TAOK1: variants seen among roughly 807,000 people sequenced by gnomAD.
TAOK1 encodes the protein serine/threonine-protein kinase TAO1.
In TAOK1, 21 loss-of-function variants were observed where a neutral mutation model predicts 138.3. The observed-to-expected ratio is 0.15, with a 90% CI of 0.11 to 0.22. TAOK1 has a LOEUF of 0.22. TAOK1 is among the 10% of genes least tolerant of loss of function. The pLI is 1.00. For missense variants in TAOK1, 651 were observed against 1,227.7 expected (o/e 0.53, Z 7.02); for synonymous variants, 361 against 398.4 (o/e 0.91, Z 1.12).
intron 19 of TAOK1, 118 bp from the exon 20 acceptor site, chr17:29,542,443 T>A (rs2032333195): frequency 7.3e-6 from 6 of 824,246 alleles, no homozygotes; most frequent in Non-Finnish European, 8.7e-6. Flanking sequence ...AATTTGAAAC[T>A]CATGGACAAA....
chr17:29,465,128 ATTT>A (rs57794003), intron 2 of TAOK1, among the ~76,000 whole-genome samples: 2 of 63,100 alleles, frequency 3.2e-5, no homozygotes, highest in Admixed American at 2.1e-4. Flanking sequence ...GTCTTATTTA[ATTT>A]TTTTTTTTTT....
intron 8 of TAOK1, among the ~76,000 whole-genome samples, chr17:29,484,414 A>G (rs1450381455): frequency 6.6e-6 from 1 of 152,224 alleles, no homozygotes; most frequent in African/African-American, 2.4e-5. Context: ...GGTCTAAAGT[A>G]GCACAGGCCA....
At chr17:29,451,315 A>T in intron 1 of TAOK1, 140 bp from the exon 2 acceptor site, 1 of 314,758 alleles carries the variant, frequency 3.2e-6, no homozygotes, top group Non-Finnish European at 5.8e-6. Flanking sequence ...CAGGTTTAGG[A>T]GCTACTGCAG....
chr17:29,508,067 C>T lies in TAOK1; in HGVS notation c.1510C>T (p.Arg504Cys), dbSNP rs1426764318. Residue 504 changes from arginine (R) to cysteine (C), a missense_variant, in exon 14 of 20, where the codon CGT becomes TGT. Around this residue, in one of 8 missense-constraint regions of TAOK1, gnomAD observed 258 missense variants for 548.9 expected, o/e 0.47. Coordinates refer to ENST00000261716, the MANE Select transcript of TAOK1 (RefSeq NM_020791.4). The part of the protein sequence containing the change: ...LRLDKDLETQ[R>C]NNFAAEMEKL... ...ATTAGACAAAGATCTTGAAACTCAG[C>T]GTAACAATTTTGCTGCAGAAATGGA... is the stretch of plus-strand genomic sequence containing the variant. 4.3e-6 allele frequency: 7 copies of T among 1,614,032 alleles called. No individual in the cohort carries two copies. The highest frequency in any genetic ancestry group is 5.1e-6 in the Non-Finnish European group (6 of 1,179,960).
intron 19 of TAOK1, among the ~76,000 whole-genome samples, chr17:29,537,127 T>TA (rs1362645569): frequency 6.6e-6 from 1 of 152,234 alleles, no homozygotes; most frequent in Non-Finnish European, 1.5e-5. Flanking sequence ...TTGGCACTAT[T>TA]AAAGTATGGT....
At chr17:29,408,084 A>G (rs1055193391) in intron 1 of TAOK1, among the ~76,000 whole-genome samples, 2 of 151,924 alleles carry the variant, frequency 1.3e-5, no homozygotes, top group Admixed American at 6.6e-5. Flanking sequence ...GGATACAGAA[A>G]TGAGTCAGAC....
chr17:29,471,335 A>G (rs554671590), intron 3 of TAOK1, among the ~76,000 whole-genome samples: 158 of 117,340 alleles, frequency 1.3e-3, no homozygotes, highest in African/African-American at 4.5e-3. Flanking sequence ...GCTGGAGTGC[A>G]GTGGCGCAAT....
At chr17:29,402,020 T>A (rs995431715) in intron 1 of TAOK1, among the ~76,000 whole-genome samples, 3 of 152,194 alleles carry the variant, frequency 2.0e-5, no homozygotes, top group Admixed American at 2.0e-4. Context: ...TGTTTTAGTT[T>A]GCTTTTTCCT....
chr17:29,519,717 T>C (rs899863659), intron 16 of TAOK1, among the ~76,000 whole-genome samples: 3 of 152,090 alleles, frequency 2.0e-5, no homozygotes, highest in Non-Finnish European at 2.9e-5. Context: ...ATCCTAGTAA[T>C]AGCATGTGTT....
intron 1 of TAOK1, among the ~76,000 whole-genome samples, chr17:29,428,205 C>T (rs1242972068): frequency 6.6e-6 from 1 of 152,114 alleles, no homozygotes; most frequent in Non-Finnish European, 1.5e-5. Context: ...AAAAGGAAAT[C>T]TAAGACCATT....
rs1160829189 is a variant in TAOK1, at chr17:29,526,253, C to G, written c.2148+3734C>G. On this transcript the variant is annotated intron_variant, in intron 17 of 19. Coordinates refer to ENST00000261716, the MANE Select transcript of TAOK1 (RefSeq NM_020791.4). ...TGAGCCAAGATCGCGCCATTCCACT[C>G]CAGCCTGGGCAACAAGGGCAAAACT... is the stretch of plus-strand genomic sequence containing the variant. 2.0e-5 allele frequency among the ~76,000 whole-genome samples: 3 copies of G among 152,004 alleles called. No individual in the cohort carries two copies. In the East Asian group the frequency reaches 5.8e-4, roughly 29 times the overall value.
chr17:29,533,833 G>GGAGAGGGAGACCGTGGGA (rs2032174970), intron 18 of TAOK1, among the ~76,000 whole-genome samples: 1 of 58,676 alleles, frequency 1.7e-5, no homozygotes, highest in Non-Finnish European at 3.6e-5. Context: ...AGACCGTGGG[G>GGAGAGGGAGACCGTGGGA]AGAGGGAGGG....
At chr17:29,495,749 C>T in intron 11 of TAOK1, 22 bp downstream of exon 11, 4 of 1,545,212 alleles carry the variant, frequency 2.6e-6, no homozygotes, top group Non-Finnish European at 3.5e-6. Context: ...AAAAATGACT[C>T]CAATATTGAA....
chr17:29,418,339 G>A (rs1160234191), intron 1 of TAOK1, among the ~76,000 whole-genome samples: 3 of 152,030 alleles, frequency 2.0e-5, no homozygotes, highest in East Asian at 3.9e-4. Context: ...ACATGCCACC[G>A]TGCCTGGCTA....
intron 12 of TAOK1, among the ~76,000 whole-genome samples, chr17:29,499,564 C>CTTT (rs35629940): frequency 1.1e-4 from 10 of 90,778 alleles, no homozygotes; most frequent in Non-Finnish European, 1.2e-4. Flanking sequence ...TTCTTTCTTT[C>CTTT]TTTTTTTTTT....
intron 17 of TAOK1, 124 bp downstream of exon 17, chr17:29,522,643 C>A: frequency 7.2e-7 from 1 of 1,388,756 alleles, no homozygotes; most frequent in East Asian, 2.3e-5. Context: ...TCATTTTTAG[C>A]ATCTTTGGTT....
intron 17 of TAOK1, among the ~76,000 whole-genome samples, chr17:29,523,643 C>G (rs1177989992): frequency 1.3e-5 from 2 of 152,166 alleles, no homozygotes; most frequent in Non-Finnish European, 2.9e-5. Context: ...GCCTCGGCCT[C>G]CCAAAGTGCT....
chr17:29,546,135 T>C lies in TAOK1; in HGVS notation c.*3113T>C, dbSNP rs116061853. 35 of 152,158 alleles carry C rather than the reference T, an allele frequency of 2.3e-4. No homozygotes were observed. The highest frequency in any genetic ancestry group is 8.4e-4 in the African/African-American group (35 of 41,534). The allele number at this position is 152,158 out of a possible 1,614,324, so 9.4% of individuals were successfully genotyped here. A position where few individuals can be genotyped will look rare whatever the true frequency, so the allele number is the denominator to read the frequency against. ...TATTTGTATAATGCTATCTGAAAAA[T>C]GTGTTTATATTATATTTTCAGAGCT... On this transcript the variant is annotated 3_prime_UTR_variant, in exon 20 of 20. Transcript: ENST00000261716.
chr17:29,517,322 G>A, intron 15 of TAOK1, 131 bp from the exon 16 acceptor site: 2 of 781,496 alleles, frequency 2.6e-6, no homozygotes, highest in South Asian at 3.5e-5. Context: ...GTTTCGCCAT[G>A]TTGGCCAGGC....
Sources: allele counts gnomAD v4.1 joint callset (sites outside exome capture counted in the v4.1 genomes callset), GRCh38; gene constraint gnomAD v4.1.1; regional missense constraint gnomAD v4.1.1; transcripts MANE v1.5; gene names NCBI Gene and HGNC (gene_info 2026-07-23, HGNC 2026-07-21).